ICA1: variants seen among roughly 807,000 people sequenced by gnomAD.
ICA1 encodes islet cell autoantigen 1.
In ICA1, 40 loss-of-function variants were observed where a neutral mutation model predicts 71.0. The ratio of observed to expected loss-of-function variants is 0.56; its 90% CI spans 0.44 to 0.73. The LOEUF (loss-of-function observed/expected upper bound fraction) is 0.73, where lower values mean the gene tolerates loss of function less well. Ranked by LOEUF, ICA1 falls within the 30% of genes least tolerant of loss-of-function variation. The probability of loss-of-function intolerance (pLI) is 0.00; values close to 1 mark genes in which losing one functional copy is unlikely to be tolerated. For synonymous variants in ICA1, 207 were observed against 209.5 expected (o/e 0.99, Z 0.10); for missense variants, 578 against 576.5 (o/e 1.00, Z -0.03).
intron 6 of ICA1, among the ~76,000 whole-genome samples, chr7:8,195,430 T>C (rs1434527243): frequency 6.6e-6 from 1 of 151,924 alleles, no homozygotes; most frequent in Non-Finnish European, 1.5e-5. Context: ...TAATCCCAGC[T>C]ACTTTGGGAG....
intron 4 of ICA1, among the ~76,000 whole-genome samples, chr7:8,224,094 A>G (rs570526940): frequency 1.2e-3 from 182 of 152,304 alleles, no homozygotes; most frequent in African/African-American, 4.0e-3. Context: ...AAAATAAAAC[A>G]TAATCACAAA....
chr7:8,143,738 A>G (rs943311395), intron 9 of ICA1, 137 bp downstream of exon 9: 1 of 612,590 alleles, frequency 1.6e-6, no homozygotes, highest in African/African-American at 1.9e-5. Context: ...TTTGGCTGGG[A>G]TGCTAATACA....
intron 8 of ICA1, among the ~76,000 whole-genome samples, chr7:8,145,926 C>T (rs1410054455): frequency 6.6e-6 from 1 of 151,952 alleles, no homozygotes. Context: ...AATGTGCATT[C>T]CTTCACCAAT....
intron 10 of ICA1, among the ~76,000 whole-genome samples, chr7:8,140,873 A>T: frequency 6.6e-6 from 1 of 152,160 alleles, no homozygotes; most frequent in East Asian, 1.9e-4. Context: ...GGTGAAGGAG[A>T]AGAATGGAGC....
chr7:8,219,207 T>C (rs1368189455), intron 5 of ICA1, among the ~76,000 whole-genome samples: 1 of 152,234 alleles, frequency 6.6e-6, no homozygotes, highest in African/African-American at 2.4e-5. Context: ...TAAGGCATAT[T>C]AAACTTTGGA....
chr7:8,134,613 A>G (rs777337956), intron 12 of ICA1, among the ~76,000 whole-genome samples: 8 of 152,194 alleles, frequency 5.3e-5, no homozygotes, highest in Non-Finnish European at 1.0e-4. Flanking sequence ...GAAAAACCCC[A>G]AACACCAACA....
intron 6 of ICA1, among the ~76,000 whole-genome samples, chr7:8,196,856 G>A (rs1326054484): frequency 6.6e-6 from 1 of 152,070 alleles, no homozygotes; most frequent in East Asian, 1.9e-4. Flanking sequence ...TCTTGTGGTA[G>A]TGAATATATC....
chr7:8,149,314 C>T (rs1310985535), intron 8 of ICA1, among the ~76,000 whole-genome samples: 1 of 152,344 alleles, frequency 6.6e-6, no homozygotes, highest in Non-Finnish European at 1.5e-5. Context: ...CAGAGTCATA[C>T]AAGACTGAAA....
At chr7:8,260,872 A>C (rs1241238286) in intron 1 of ICA1, among the ~76,000 whole-genome samples, 1 of 152,196 alleles carries the variant, frequency 6.6e-6, no homozygotes, top group African/African-American at 2.4e-5. Context: ...CTCCCTAACC[A>C]CAGAACAGTT....
intron 8 of ICA1, among the ~76,000 whole-genome samples, chr7:8,149,003 T>A (rs2128151135): frequency 6.6e-6 from 1 of 152,284 alleles, no homozygotes; most frequent in South Asian, 2.1e-4. Flanking sequence ...CAAATTATTT[T>A]GAAGTCCACG....
At chr7:8,165,359 G>C (rs1223906789) in intron 6 of ICA1, among the ~76,000 whole-genome samples, 1 of 152,210 alleles carries the variant, frequency 6.6e-6, no homozygotes, top group Non-Finnish European at 1.5e-5. Context: ...ATGTGTGTGG[G>C]CAGCCAACAG....
intron 6 of ICA1, among the ~76,000 whole-genome samples, chr7:8,192,261 T>C (rs1785921787): frequency 6.6e-6 from 1 of 152,238 alleles, no homozygotes; most frequent in Non-Finnish European, 1.5e-5. Flanking sequence ...TGTCATGTTT[T>C]TTCAGTCTCC....
intron 6 of ICA1, among the ~76,000 whole-genome samples, chr7:8,160,294 T>A (rs1216586681): frequency 6.6e-6 from 1 of 152,244 alleles, no homozygotes; most frequent in Non-Finnish European, 1.5e-5. Flanking sequence ...TTATAGGATG[T>A]TATATAATAA....
intron 6 of ICA1, among the ~76,000 whole-genome samples, chr7:8,206,749 AAAAAAAG>A (rs1174992265): frequency 6.6e-6 from 1 of 151,148 alleles, no homozygotes; most frequent in African/African-American, 2.4e-5. Flanking sequence ...AAAAAAAAAA[AAAAAAAG>A]AAAGAGAACA....
At chr7:8,248,380 G>A (rs1302053299) in intron 1 of ICA1, among the ~76,000 whole-genome samples, 3 of 152,084 alleles carry the variant, frequency 2.0e-5, no homozygotes, top group Non-Finnish European at 4.4e-5. Context: ...TTACCTTAGA[G>A]CTCTTCAGTT....
At chr7:8,158,724 C>G in intron 6 of ICA1, 72 bp from the exon 7 acceptor site, 1 of 1,448,400 alleles carries the variant, frequency 6.9e-7, no homozygotes, top group Admixed American at 1.9e-5. Context: ...TGAAATGAGA[C>G]CAACAGCAGG....
intron 6 of ICA1, among the ~76,000 whole-genome samples, chr7:8,201,345 C>T (rs186358743): frequency 2.1e-4 from 32 of 152,332 alleles, no homozygotes; most frequent in African/African-American, 7.5e-4. Context: ...CTTGATCCTA[C>T]ACTTCGTATT....
Position 8,222,451 on chromosome 7 carries a change from G to C in ICA1, c.257-1053C>G, listed in dbSNP as rs1446136317. ...TTACATACCCTGTGTCTCTAAAACT[G>C]CTTTCTAAATGCTACTAGGATTCTT... On this transcript the variant is annotated intron_variant, in intron 4 of 13. Coordinates refer to ENST00000402384, the MANE Select transcript of ICA1 (RefSeq NM_001136020.3). This position sits in a 1 kb window ranked among gnomAD's most constrained non-coding sequence, Gnocchi z 4.8. Among the ~76,000 whole-genome samples the C allele has an allele frequency of 6.6e-6, 1 of 152,102 alleles. No homozygotes were observed. Among genetic ancestry groups the C allele is most frequent in the Non-Finnish European group, 1.5e-5 (1 of 68,012 alleles).
chr7:8,173,844 G>T lies in ICA1; in HGVS notation c.580-15192C>A, dbSNP rs1779626589. On this transcript the variant is annotated intron_variant, in intron 6 of 13. Coordinates refer to ENST00000402384, the MANE Select transcript of ICA1 (RefSeq NM_001136020.3). This position sits in a 1 kb window ranked among gnomAD's most constrained non-coding sequence, Gnocchi z 4.0. ...TAATTGAACACCTATAGCTCTCGGT[G>T]CTGGAGATAAGCAGAGAATAAAGCA... Among the ~76,000 whole-genome samples the T allele has an allele frequency of 6.6e-6, 1 of 152,044 alleles. No individual in the cohort carries two copies. The highest frequency in any genetic ancestry group is 2.4e-5 in the African/African-American group (1 of 41,378).
Sources: gnomAD v4.1 joint callset for allele counts (sites outside exome capture counted in the v4.1 genomes callset) on GRCh38, gnomAD v4.1.1 for gene constraint, Gnocchi (gnomAD v3.1) non-coding constraint, MANE v1.5 for transcripts, NCBI Gene and HGNC (gene_info 2026-07-23, HGNC 2026-07-21) for gene names.